SCP2: variants seen among roughly 807,000 people sequenced by gnomAD.
SCP2 encodes sterol carrier protein 2.
A neutral mutation model predicts 71.4 loss-of-function variants in SCP2; 48 were observed. The observed-to-expected ratio is 0.67, with a 90% confidence interval of 0.53 to 0.86. SCP2 has a LOEUF of 0.86. Ranked by LOEUF, SCP2 falls within the 40% of genes least tolerant of loss-of-function variation. The pLI, the probability that SCP2 is intolerant of heterozygous loss-of-function variation, is 0.00. For synonymous variants in SCP2, 220 were observed against 218.1 expected (o/e 1.01, Z -0.08); for missense variants, 560 against 655.6 (o/e 0.85, Z 1.59).
chr1:52,978,763 A>G (rs1349793479), intron 9 of SCP2, among the ~76,000 whole-genome samples: 2 of 152,066 alleles, frequency 1.3e-5, no homozygotes, highest in Non-Finnish European at 2.9e-5. Flanking sequence ...CAGTTTTGCC[A>G]TGTTTCCCAG....
rs556698491 is a variant in SCP2 at position 52,996,042 on chromosome 1, G to A, written c.1081+7906G>A. On this transcript the variant is annotated intron_variant, in intron 11 of 15. Coordinates refer to ENST00000371514, the MANE Select transcript of SCP2 (RefSeq NM_002979.5). ...GGAGGCCTAAGGCAGAGCCCCCATC[G>A]CCTCAGGCTTCTCAGTTCCCTTAGC... 4.3e-5 allele frequency: 54 copies of A among 1,266,834 alleles called. No homozygotes were observed. The Admixed American group carries it at 5.4e-4, about 13-fold the overall frequency. 78.5% of individuals were successfully genotyped at this position (1,266,834 alleles called of 1,614,324 possible). A position where few individuals can be genotyped will look rare whatever the true frequency, so the allele number is the denominator to read the frequency against.
chr1:52,979,034 A>G (rs1393226591), intron 9 of SCP2, among the ~76,000 whole-genome samples: 2 of 152,226 alleles, frequency 1.3e-5, no homozygotes, highest in Non-Finnish European at 1.5e-5. Context: ...ATAGTTTACA[A>G]ATGATTTTAC....
chr1:53,044,310 A>C (rs1214281142), intron 14 of SCP2, among the ~76,000 whole-genome samples: 5 of 152,156 alleles, frequency 3.3e-5, no homozygotes, highest in African/African-American at 9.7e-5. Context: ...CGCCCACCTC[A>C]GCCTCCCAAA....
At chr1:53,022,136 CCTT>C (rs1557615015) in intron 12 of SCP2, among the ~76,000 whole-genome samples, 2 of 152,210 alleles carry the variant, frequency 1.3e-5, no homozygotes, top group African/African-American at 2.4e-5. Context: ...AGTAATCCCT[CCTT>C]CTTGCAGTCT....
chr1:53,009,952 C>T (rs183648953), intron 11 of SCP2, among the ~76,000 whole-genome samples: 98 of 152,236 alleles, frequency 6.4e-4, no homozygotes, highest in Non-Finnish European at 8.4e-4. Flanking sequence ...ACAACCCCAT[C>T]AAAAAGCGGG....
chr1:52,959,408 T>G (rs947375320), intron 5 of SCP2, among the ~76,000 whole-genome samples: 4 of 152,020 alleles, frequency 2.6e-5, no homozygotes, highest in African/African-American at 9.7e-5. Context: ...TTGGTCAGGC[T>G]GGTCTTGAAC....
intron 2 of SCP2, among the ~76,000 whole-genome samples, chr1:52,947,120 G>A (rs1261116838): frequency 6.7e-6 from 1 of 148,502 alleles, no homozygotes; most frequent in Non-Finnish European, 1.5e-5. Context: ...GGTGACTCAT[G>A]TCTCTTATCC....
chr1:52,963,226 T>C lies in SCP2; in HGVS notation c.523+1597T>C, dbSNP rs555248917. Reference sequence around the variant, plus strand: ...ACTTAGCACTATTTATGTTCATATATTTATCATATGTGATTTTACTTGTTT... The same window carrying C: ...ACTTAGCACTATTTATGTTCATATACTTATCATATGTGATTTTACTTGTTT... On this transcript the variant is annotated intron_variant, in intron 6 of 15. Coordinates refer to ENST00000371514, the MANE Select transcript of SCP2 (RefSeq NM_002979.5). Among the ~76,000 whole-genome samples the C allele has an allele frequency of 7.2e-5, 11 of 152,292 alleles. No homozygotes were observed. In the South Asian group the frequency reaches 1.9e-3, roughly 26 times the overall value.
chr1:52,931,952 GAC>G (rs948885741), intron 1 of SCP2, among the ~76,000 whole-genome samples: 18 of 151,666 alleles, frequency 1.2e-4, no homozygotes, highest in Non-Finnish European at 2.4e-4. Context: ...TAAAAAAAAA[GAC>G]ATAGGAAAGA....
At chr1:52,994,061 C>T in intron 11 of SCP2, 1 of 1,140,126 alleles carries the variant, frequency 8.8e-7, no homozygotes. Flanking sequence ...AATGTTGTGC[C>T]CAATGCTACA....
At chr1:53,019,760 G>A (rs72901385) in intron 12 of SCP2, among the ~76,000 whole-genome samples, 1,857 of 152,308 alleles carry the variant, frequency 0.012, 32 homozygotes, top group African/African-American at 0.042. Context: ...TTAATGTGAT[G>A]TATATCTGTT....
chr1:53,007,103 C>G (rs977021680), intron 11 of SCP2, among the ~76,000 whole-genome samples: 2 of 152,156 alleles, frequency 1.3e-5, no homozygotes, highest in Non-Finnish European at 2.9e-5. Context: ...TATATTCACC[C>G]AATACAGGAG....
intron 11 of SCP2, among the ~76,000 whole-genome samples, chr1:52,996,694 A>G (rs1659957873): frequency 1.3e-5 from 2 of 152,122 alleles, no homozygotes; most frequent in South Asian, 4.2e-4. Flanking sequence ...TGATTAGAGA[A>G]GGGGATCAAG....
intron 12 of SCP2, among the ~76,000 whole-genome samples, chr1:53,021,746 G>A (rs1260204295): frequency 1.3e-5 from 2 of 150,470 alleles, no homozygotes; most frequent in Non-Finnish European, 2.9e-5. Flanking sequence ...CTGGGTTCAA[G>A]CGATTCTTGT....
chr1:53,010,402 G>A (rs1281315723), intron 11 of SCP2, among the ~76,000 whole-genome samples: 4 of 152,174 alleles, frequency 2.6e-5, no homozygotes, highest in Non-Finnish European at 5.9e-5. Flanking sequence ...TGATATAGTG[G>A]ATTAAGAAAA....
chr1:53,005,143 A>G (rs1398370076), intron 11 of SCP2, among the ~76,000 whole-genome samples: 2 of 152,124 alleles, frequency 1.3e-5, no homozygotes, highest in Non-Finnish European at 2.9e-5. Context: ...AACTGGGTGG[A>G]GCCCATCGCA....
intron 15 of SCP2, 96 bp from the exon 16 acceptor site, chr1:53,050,513 G>T: frequency 1.3e-6 from 1 of 799,270 alleles, no homozygotes; most frequent in East Asian, 2.5e-5. Flanking sequence ...CATGTGACCT[G>T]GATAAATAAA....
chr1:52,950,984 A>G (rs1361610470), intron 4 of SCP2, 98 bp downstream of exon 4: 1 of 1,423,154 alleles, frequency 7.0e-7, no homozygotes, highest in Non-Finnish European at 9.9e-7. Context: ...ATTTGTTTTA[A>G]AAAAGTCTTC....
rs1226607513 is a variant in SCP2, at chr1:53,015,041, C to A, written c.1233C>A (p.Ala411=). The A allele has an allele frequency of 6.2e-7, 1 of 1,614,000 alleles. No individual in the cohort carries two copies. Among genetic ancestry groups the A allele is most frequent in the African/African-American group, 1.3e-5 (1 of 75,040 alleles). The part of the protein sequence containing the change: ...TLYKMGFPEA[A]SSFRTHQIEA... Reference sequence around the variant, plus strand: ...ACAAGATGGGTTTTCCGGAAGCCGCCAGGTGAGTGACATTCAGAGTTTTGT... The same window carrying A: ...ACAAGATGGGTTTTCCGGAAGCCGCAAGGTGAGTGACATTCAGAGTTTTGT... The change falls in exon 12 of 16, where the codon GCC becomes GCA. Residue 411 remains alanine (A), a splice_region_variant and synonymous_variant. Coordinates refer to ENST00000371514, the MANE Select transcript of SCP2 (RefSeq NM_002979.5).
Sources: allele counts gnomAD v4.1 joint callset (sites outside exome capture counted in the v4.1 genomes callset), GRCh38; gene constraint gnomAD v4.1.1; transcripts MANE v1.5; gene names NCBI Gene and HGNC (gene_info 2026-07-23, HGNC 2026-07-21).